The following KLRG1 variants were observed in gnomAD, a reference collection of about 807,000 sequenced individuals.
KLRG1 encodes killer cell lectin-like receptor subfamily G member 1.
KLRG1 carries 16 observed loss-of-function variants against 21.8 expected under a neutral mutation model. The ratio of observed to expected loss-of-function variants is 0.73; its 90% confidence interval spans 0.50 to 1.11. The LOEUF (loss-of-function observed/expected upper bound fraction) is 1.11, where lower values mean the gene tolerates loss of function less well. Ranked by LOEUF, KLRG1 falls within the 50% of genes most tolerant of loss-of-function variation. The pLI is 0.00. For missense variants in KLRG1, 173 were observed against 218.3 expected, an observed-to-expected ratio of 0.79 and a Z score of 1.31; for synonymous variants, 69 against 75.9, an observed-to-expected ratio of 0.91 and a Z score of 0.47.
the KLRG1 span, among the ~76,000 whole-genome samples, chr12:9,184,612 A>C: frequency 6.6e-6 from 1 of 152,218 alleles, no homozygotes; most frequent in South Asian, 2.1e-4. Flanking sequence ...GTGAATGAGG[A>C]GGGATCCCAC....
At chr12:9,190,474 A>G in the KLRG1 span, among the ~76,000 whole-genome samples, 1 of 152,124 alleles carries the variant, frequency 6.6e-6, no homozygotes, top group Non-Finnish European at 1.5e-5. Context: ...AAAGAGGACA[A>G]CACACAGTGG....
Position 8,995,110 on chromosome 12 carries a change from C to G in KLRG1, c.188-9C>G. On this transcript the variant is annotated splice_polypyrimidine_tract_variant and intron_variant, in intron 2 of 4. Coordinates refer to ENST00000356986, the MANE Select transcript of KLRG1 (RefSeq NM_005810.4). ...ATAAAGATGTGAACCAGGTCCTCTT[C>G]TCTCCTAGGCTCCAACTACTCCACT... 6.3e-7 allele frequency: 1 copy of G among 1,578,088 alleles called. No individual in the cohort carries two copies. Among genetic ancestry groups the G allele is most frequent in the Non-Finnish European group, 8.6e-7 (1 of 1,166,106 alleles).
At chr12:9,200,519 G>C in the KLRG1 span, 2 of 1,236,902 alleles carry the variant, frequency 1.6e-6, no homozygotes, top group East Asian at 2.3e-5. Flanking sequence ...ATTTCAGTAT[G>C]TCTATAATTT....
chr12:9,058,032 A>T, the KLRG1 span: 1 of 152,212 alleles, frequency 6.6e-6, no homozygotes, highest in African/African-American at 2.4e-5. Context: ...TGAGAGATAG[A>T]TTCTTTATAC....
At chr12:9,074,073 G>C in the KLRG1 span, among the ~76,000 whole-genome samples, 1 of 130,322 alleles carries the variant, frequency 7.7e-6, no homozygotes, top group Admixed American at 8.1e-5. Flanking sequence ...AGGTGACAGA[G>C]CAAGACTCTG....
At chr12:9,019,849 G>A in the KLRG1 span, among the ~76,000 whole-genome samples, 1 of 151,854 alleles carries the variant, frequency 6.6e-6, no homozygotes, top group African/African-American at 2.4e-5. Flanking sequence ...GTGTCCCAAA[G>A]TGCTGGGATT....
the KLRG1 span, among the ~76,000 whole-genome samples, chr12:9,131,095 A>G: frequency 6.6e-6 from 1 of 152,188 alleles, no homozygotes; most frequent in African/African-American, 2.4e-5. Flanking sequence ...TTGACCATAT[A>G]CACACAGGCT....
intron 1 of KLRG1, among the ~76,000 whole-genome samples, chr12:8,979,954 G>A (rs796304675): frequency 6.6e-6 from 1 of 152,146 alleles, no homozygotes; most frequent in Non-Finnish European, 1.5e-5. Context: ...AGGCTGGAGT[G>A]CAGTAGTGCG....
the KLRG1 span, among the ~76,000 whole-genome samples, chr12:9,121,137 C>T: frequency 7.2e-5 from 11 of 152,108 alleles, no homozygotes; most frequent in East Asian, 1.3e-3. The surrounding 1 kb of genome is among the most constrained non-coding windows in gnomAD (Gnocchi z 4.4). Flanking sequence ...CTTCCTATCT[C>T]GGCCCCGCAA....
At position 8,967,953 on chromosome 12, in the gene KLRG1, A is replaced by G. The variant is rs1423264711; in HGVS notation, c.-156+17717A>G. ...AAGAAAAGAAGGAAGGAAGGGAGAA[A>G]AGAAAGAAAGAAAAATTAAGGAAAG... On this transcript the variant is annotated intron_variant, in intron 1 of 4. Coordinates refer to the KLRG1 transcript ENST00000539240. Among the ~76,000 whole-genome samples the G allele has an allele frequency of 5.3e-5, 8 of 151,926 alleles. No homozygotes were observed. The South Asian group carries it at 1.7e-3, about 32-fold the overall frequency.
At chr12:9,114,890 C>G in the KLRG1 span, among the ~76,000 whole-genome samples, 1 of 152,006 alleles carries the variant, frequency 6.6e-6, no homozygotes, top group Non-Finnish European at 1.5e-5. Context: ...AAAATAAATA[C>G]AAAGTATGAT....
the KLRG1 span, among the ~76,000 whole-genome samples, chr12:9,187,399 G>A: frequency 2.6e-5 from 4 of 152,018 alleles, no homozygotes; most frequent in South Asian, 2.1e-4. Context: ...AACTGCACAC[G>A]GCACTACTCT....
At chr12:9,189,370 A>G in the KLRG1 span, among the ~76,000 whole-genome samples, 211 of 152,330 alleles carry the variant, frequency 1.4e-3, 3 homozygotes, top group Admixed American at 1.3e-3. Context: ...CTGATCTTCA[A>G]CAAAGCTAAC....
At chr12:9,107,417 ATTCTCTTCTAGATTG>A in the KLRG1 span, 6 of 1,335,548 alleles carry the variant, frequency 4.5e-6, no homozygotes, top group Non-Finnish European at 6.1e-6. Context: ...CCAACATGGA[ATTCTCTTCTAGATTG>A]TTCTCTTCCT....
intron 3 of KLRG1, among the ~76,000 whole-genome samples, chr12:9,006,224 A>T (rs1413375466): frequency 6.6e-6 from 1 of 152,248 alleles, no homozygotes; most frequent in Non-Finnish European, 1.5e-5. Context: ...ATAAATGAAT[A>T]TGGTGATATG....
chr12:9,170,920 C>G, the KLRG1 span, among the ~76,000 whole-genome samples: 2 of 152,206 alleles, frequency 1.3e-5, no homozygotes, highest in African/African-American at 4.8e-5. This position sits in a 1 kb window ranked among gnomAD's most constrained non-coding sequence, Gnocchi z 4.6. Flanking sequence ...CCACTCCAAC[C>G]TGCTGGCTTT....
At chr12:9,092,299 A>C in the KLRG1 span, among the ~76,000 whole-genome samples, 1 of 152,116 alleles carries the variant, frequency 6.6e-6, no homozygotes, top group Admixed American at 6.5e-5. Flanking sequence ...CTGGCTCCTA[A>C]ATCACCTAGC....
At chr12:9,089,888 T>TGTGGACTATA in the KLRG1 span, 2 of 1,596,208 alleles carry the variant, frequency 1.3e-6, no homozygotes, top group Middle Eastern at 1.7e-4. Context: ...TATATATTAT[T>TGTGGACTATA]TAGGTTTACT....
At chr12:9,112,744 AAG>A in the KLRG1 span, 94 of 561,390 alleles carry the variant, frequency 1.7e-4, 3 homozygotes, top group South Asian at 1.7e-3. Context: ...ATAAATCAGT[AAG>A]AGAGGTTGTA....
Sources: allele counts gnomAD v4.1 joint callset (sites outside exome capture counted in the v4.1 genomes callset), GRCh38; gene constraint gnomAD v4.1.1; non-coding constraint Gnocchi (gnomAD v3.1); transcripts MANE v1.5; gene names NCBI Gene and HGNC (gene_info 2026-07-23, HGNC 2026-07-21).